The following GPAT3 variants were observed in gnomAD, a reference collection of about 807,000 sequenced individuals.
The protein encoded by GPAT3 is 1-AGP acyltransferase 9.
GPAT3 carries 53 observed loss-of-function variants against 58.8 expected under a neutral mutation model. The ratio of observed to expected loss-of-function variants is 0.90; its 90% CI spans 0.72 to 1.13. The LOEUF (loss-of-function observed/expected upper bound fraction) is 1.13, where lower values mean the gene tolerates loss of function less well. Among genes scored for constraint, GPAT3 ranks in the 50% most tolerant of loss-of-function variants. The pLI, the probability that GPAT3 is intolerant of heterozygous loss-of-function variation, is 0.00. For missense variants in GPAT3, 511 were observed against 527.6 expected (o/e 0.97, Z 0.31); for synonymous variants, 197 against 187.4 (o/e 1.05, Z -0.42).
At position 83,594,872 on chromosome 4, in the gene GPAT3, G is replaced by T; in HGVS notation, c.766G>T (p.Gly256Ter). 6.2e-7 allele frequency: 1 copy of T among 1,613,814 alleles called. No homozygotes were observed. Among genetic ancestry groups the T allele is most frequent in the Middle Eastern group, 1.7e-4 (1 of 6,056 alleles). The change falls in exon 7 of 12, where the codon GGA (glycine) becomes TGA (stop). Residue 256 changes from glycine to a stop codon, truncating the protein, a stop_gained. Coordinates refer to ENST00000264409, the MANE Select transcript of GPAT3 (RefSeq NM_032717.5). LOFTEE classifies it high-confidence loss of function. ...MVGQVHGGLM[G>*]IIQRAMVKAC... ...TGGCCAGGTTCATGGCGGCTTGATG[G>T]GAATTATTCAGAGAGCTATGGTCAA...
At chr4:83,568,630 C>A (rs1207939588) in intron 2 of GPAT3, among the ~76,000 whole-genome samples, 2 of 152,014 alleles carry the variant, frequency 1.3e-5, no homozygotes, top group South Asian at 2.1e-4. Flanking sequence ...GCTTCAGCGT[C>A]CGGGGTAGCT....
intron 2 of GPAT3, among the ~76,000 whole-genome samples, chr4:83,562,210 A>ATT (rs1197093586): frequency 8.4e-5 from 2 of 23,732 alleles, no homozygotes; most frequent in Non-Finnish European, 1.5e-4. Flanking sequence ...ATATATATAT[A>ATT]TTATATATAT....
chr4:83,594,757 T>C (rs183692512), intron 6 of GPAT3, 88 bp from the exon 7 acceptor site: 72 of 1,036,240 alleles, frequency 6.9e-5, no homozygotes, highest in East Asian at 6.5e-4. Context: ...TATTTTTGAG[T>C]GGAGAATAGA....
In GPAT3 at chr4:83,536,358, C is replaced by CT; in HGVS notation, c.-264dup. 1 of 1,215,814 alleles carries CT rather than the reference C, an allele frequency of 8.2e-7. No individual in the cohort carries two copies. Among genetic ancestry groups the CT allele is most frequent in the Non-Finnish European group, 1.0e-6 (1 of 973,568 alleles). The allele number at this position is 1,215,814 out of a possible 1,614,324, so 75.3% of individuals were successfully genotyped here. A position where few individuals can be genotyped will look rare whatever the true frequency, so the allele number is the denominator to read the frequency against. ...GACCACTGGCTCGCGCTACCCAGGT[C>CT]TCCGCACGCCGCGGTGGCTTCAGCC... On this transcript the variant is annotated 5_prime_UTR_variant, in exon 1 of 12. Coordinates refer to ENST00000264409, the MANE Select transcript of GPAT3 (RefSeq NM_032717.5).
intron 6 of GPAT3, among the ~76,000 whole-genome samples, chr4:83,592,935 C>T (rs1256881449): frequency 4.6e-5 from 7 of 151,992 alleles, no homozygotes; most frequent in African/African-American, 9.7e-5. Context: ...GGTGTGATCT[C>T]GGCTCACTGC....
At chr4:83,592,359 A>G (rs1178676297) in intron 6 of GPAT3, among the ~76,000 whole-genome samples, 1 of 152,218 alleles carries the variant, frequency 6.6e-6, no homozygotes, top group Non-Finnish European at 1.5e-5. Context: ...CAGATGTGGG[A>G]TGATACCATG....
At chr4:83,556,302 A>G (rs116858491) in intron 2 of GPAT3, among the ~76,000 whole-genome samples, 2 of 152,276 alleles carry the variant, frequency 1.3e-5, no homozygotes, top group East Asian at 3.9e-4. Flanking sequence ...TGTTAAGACC[A>G]TTCTGGCCAA....
intron 7 of GPAT3, 126 bp from the exon 8 acceptor site, chr4:83,596,732 A>G: frequency 2.8e-6 from 2 of 710,700 alleles, no homozygotes; most frequent in Non-Finnish European, 4.8e-6. Flanking sequence ...TATTTCTTTT[A>G]CCTGTATCTC....
chr4:83,570,665 GT>G (rs998550071), intron 2 of GPAT3, among the ~76,000 whole-genome samples: 36 of 152,194 alleles, frequency 2.4e-4, no homozygotes, highest in African/African-American at 7.5e-4. Context: ...TGGAGACAGG[GT>G]TTTACTATGT....
At chr4:83,544,648 T>C (rs1262594224) in intron 2 of GPAT3, 46 bp downstream of exon 2, 1 of 1,585,960 alleles carries the variant, frequency 6.3e-7, no homozygotes. Flanking sequence ...TTAAATTGGG[T>C]GGATGTAAAC....
chr4:83,537,318 A>G (rs1192037382), intron 1 of GPAT3, among the ~76,000 whole-genome samples: 1 of 152,160 alleles, frequency 6.6e-6, no homozygotes, highest in Non-Finnish European at 1.5e-5. Context: ...TGCCATTGAA[A>G]AGGTATATAT....
At chr4:83,538,906 A>G (rs1724194820) in intron 1 of GPAT3, among the ~76,000 whole-genome samples, 1 of 152,224 alleles carries the variant, frequency 6.6e-6, no homozygotes, top group Non-Finnish European at 1.5e-5. Flanking sequence ...TTATTAGGTC[A>G]AAGAGATGCT....
chr4:83,547,325 T>A (rs1371722011), intron 2 of GPAT3, among the ~76,000 whole-genome samples: 13 of 142,392 alleles, frequency 9.1e-5, no homozygotes, highest in African/African-American at 3.2e-4. Flanking sequence ...GGATCTCGGC[T>A]CACTGCAAGC....
intron 3 of GPAT3, among the ~76,000 whole-genome samples, chr4:83,586,205 G>A (rs1327181845): frequency 1.9e-4 from 29 of 152,204 alleles, no homozygotes; most frequent in Non-Finnish European, 1.5e-5. Context: ...TGAAACCTGG[G>A]ATTGGTTAAG....
At chr4:83,603,948 T>A (rs1727162629) in intron 11 of GPAT3, among the ~76,000 whole-genome samples, 2 of 152,196 alleles carry the variant, frequency 1.3e-5, no homozygotes, top group African/African-American at 4.8e-5. Context: ...ATATTTTAAA[T>A]TTTCCTGTGG....
intron 2 of GPAT3, among the ~76,000 whole-genome samples, chr4:83,578,962 T>TTCTTGCTTTCTTTCTTTC (rs1725939006): frequency 8.0e-6 from 1 of 124,980 alleles, no homozygotes; most frequent in African/African-American, 3.3e-5. Flanking sequence ...CTTTCTTTCT[T>TTCTTGCTTTCTTTCTTTC]TCTTTCTTTC....
intron 2 of GPAT3, among the ~76,000 whole-genome samples, chr4:83,577,169 T>C (rs976247739): frequency 6.6e-6 from 1 of 152,148 alleles, no homozygotes; most frequent in Non-Finnish European, 1.5e-5. Flanking sequence ...CTCTATGAAA[T>C]AAATAGCTCA....
chr4:83,552,021 G>C (rs1475734889), intron 2 of GPAT3, among the ~76,000 whole-genome samples: 1 of 152,046 alleles, frequency 6.6e-6, no homozygotes, highest in Non-Finnish European at 1.5e-5. Context: ...TGGAAGATAG[G>C]TACCTTCTTG....
chr4:83,604,822 TTTTTTGTTTTG>T lies in GPAT3; in HGVS notation c.*60_*70del, dbSNP rs1331613191. ...ACTAGCCCTTAGAAATGGAATGGCTTTTTTTGTTTTGTTTTGTTTTATTGTTTTGTTTTTAT... is the reference window on the plus strand; with the variant it reads ...ACTAGCCCTTAGAAATGGAATGGCTTTTTTGTTTTATTGTTTTGTTTTTAT... On this transcript the variant is annotated 3_prime_UTR_variant, in exon 12 of 12. Transcript: ENST00000264409. The T allele has an allele frequency of 1.6e-6, 2 of 1,231,146 alleles. No individual in the cohort carries two copies. The highest frequency in any genetic ancestry group is 2.2e-6 in the Non-Finnish European group (2 of 905,614). 76.3% of individuals were successfully genotyped at this position (1,231,146 alleles called of 1,614,324 possible). A position where few individuals can be genotyped will look rare whatever the true frequency, so the allele number is the denominator to read the frequency against.
Sources: allele counts gnomAD v4.1 joint callset (sites outside exome capture counted in the v4.1 genomes callset), GRCh38; gene constraint gnomAD v4.1.1; transcripts MANE v1.5; gene names NCBI Gene and HGNC (gene_info 2026-07-23, HGNC 2026-07-21).